CCDC102B: variants seen among roughly 807,000 people sequenced by gnomAD.
CCDC102B encodes the protein coiled-coil domain-containing protein 102B.
In CCDC102B, 75 loss-of-function variants were observed where a neutral mutation model predicts 57.4. That is an observed-to-expected ratio of 1.31 (90% CI 1.08 to 1.58). The LOEUF is 1.58. Among genes scored for constraint, CCDC102B ranks in the 40% most tolerant of loss-of-function variants. The probability of loss-of-function intolerance (pLI) is 0.00; values close to 1 mark genes in which losing one functional copy is unlikely to be tolerated. For missense variants in CCDC102B, 636 were observed against 582.6 expected (o/e 1.09, Z -0.94); for synonymous variants, 206 against 201.9 (o/e 1.02, Z -0.17).
intron 2 of CCDC102B, among the ~76,000 whole-genome samples, chr18:68,783,830 AC>A (rs1476544793): frequency 2.0e-5 from 3 of 152,170 alleles, no homozygotes; most frequent in Non-Finnish European, 4.4e-5. Context: ...AGGAGAGGAA[AC>A]ATACTATACG....
At chr18:68,814,321 G>C (rs1322074259) in intron 1 of CCDC102B, among the ~76,000 whole-genome samples, 1 of 151,966 alleles carries the variant, frequency 6.6e-6, no homozygotes, top group Non-Finnish European at 1.5e-5. Context: ...TTTGAGCACT[G>C]TTAGCCAGAA....
chr18:69,036,851 A>G (rs2052306002), intron 7 of CCDC102B, among the ~76,000 whole-genome samples: 1 of 152,086 alleles, frequency 6.6e-6, no homozygotes, highest in African/African-American at 2.4e-5. Context: ...GATAAACTGA[A>G]TCATTCAGAT....
At chr18:69,056,151 C>T (rs2052811380), downstream of CCDC102B, among the ~76,000 whole-genome samples, 1 of 152,174 alleles carries the variant, frequency 6.6e-6, no homozygotes, top group East Asian at 1.9e-4. Flanking sequence ...TATGAAAGAA[C>T]ATACTGGAAG....
chr18:68,836,855 C>A lies in CCDC102B; in HGVS notation c.92C>A (p.Ala31Glu). 8 of 1,613,996 alleles carry A rather than the reference C, an allele frequency of 5.0e-6. No homozygotes were observed. Among genetic ancestry groups the A allele is most frequent in the Non-Finnish European group, 6.8e-6 (8 of 1,179,978 alleles). ...SSIKSRGDMVAPASPPRDTCN... is the reference protein window; with the variant it reads ...SSIKSRGDMVEPASPPRDTCN... The stretch of plus-strand genomic sequence containing the variant: ...ATTAAGTCACGCGGCGACATGGTGG[C>A]ACCTGCCTCACCCCCCAGGGATACC... The change falls in exon 2 of 8, where the codon GCA becomes GAA. Residue 31 changes from alanine to glutamate, a missense_variant. Coordinates refer to ENST00000360242, the MANE Select transcript of CCDC102B (RefSeq NM_024781.3).
intron 6 of CCDC102B, among the ~76,000 whole-genome samples, chr18:68,943,642 T>C (rs2049450115): frequency 6.6e-6 from 1 of 152,122 alleles, no homozygotes; most frequent in African/African-American, 2.4e-5. Flanking sequence ...GAATGAGTAC[T>C]TCACAGAGAT....
intron 6 of CCDC102B, among the ~76,000 whole-genome samples, chr18:68,956,444 TATATA>T (rs2049873855): frequency 6.7e-5 from 2 of 29,738 alleles, no homozygotes; most frequent in Admixed American, 7.1e-4. Context: ...TTATATATAT[TATATA>T]TATTATATAT....
chr18:68,885,113 A>G (rs949392057), intron 5 of CCDC102B, among the ~76,000 whole-genome samples: 1 of 152,064 alleles, frequency 6.6e-6, no homozygotes. Context: ...AAAATGTTAC[A>G]TAAAATGTAA....
intron 6 of CCDC102B, among the ~76,000 whole-genome samples, chr18:68,913,430 T>C (rs1439151488): frequency 6.6e-6 from 1 of 151,154 alleles, no homozygotes. Context: ...GCAGATCACC[T>C]GAGGTCAAGA....
chr18:69,006,778 C>T (rs912348150), intron 6 of CCDC102B, among the ~76,000 whole-genome samples: 1 of 151,924 alleles, frequency 6.6e-6, no homozygotes, highest in Non-Finnish European at 1.5e-5. Flanking sequence ...CATTTCTTCC[C>T]CTGAAAGTAA....
intron 6 of CCDC102B, among the ~76,000 whole-genome samples, chr18:68,967,177 CTT>C (rs1268168029): frequency 6.6e-6 from 1 of 152,108 alleles, no homozygotes; most frequent in Non-Finnish European, 1.5e-5. Context: ...GAACACCCCT[CTT>C]CCCCTCCTGG....
chr18:68,928,478 CTG>C (rs1347140150), intron 6 of CCDC102B, among the ~76,000 whole-genome samples: 2 of 151,776 alleles, frequency 1.3e-5, no homozygotes, highest in Admixed American at 1.3e-4. Context: ...TTGAAAAACA[CTG>C]AGTGCAGGAG....
At chr18:68,839,037 TTAAG>T (rs1285659042) in intron 3 of CCDC102B, 111 bp downstream of exon 3, 1 of 916,546 alleles carries the variant, frequency 1.1e-6, no homozygotes, top group African/African-American at 1.7e-5. Flanking sequence ...TGTTTAGTCA[TTAAG>T]TTTTAGGATT....
At chr18:68,852,760 G>C (rs2038189765) in intron 4 of CCDC102B, among the ~76,000 whole-genome samples, 1 of 152,044 alleles carries the variant, frequency 6.6e-6, no homozygotes, top group Non-Finnish European at 1.5e-5. Flanking sequence ...AAGATATTGT[G>C]CTTATAACAA....
At chr18:68,753,339 G>C (rs1183013830) in intron 2 of CCDC102B, 2 of 152,090 alleles carry the variant, frequency 1.3e-5, no homozygotes, top group Non-Finnish European at 1.5e-5. Context: ...AGCTGAAAGA[G>C]AGCCTGGATC....
At chr18:68,980,848 C>T (rs376340660) in intron 6 of CCDC102B, among the ~76,000 whole-genome samples, 56 of 151,852 alleles carry the variant, frequency 3.7e-4, no homozygotes, top group African/African-American at 1.3e-3. Flanking sequence ...TGTAGGACAT[C>T]GTATGGACAC....
In CCDC102B at chr18:68,967,147, G is replaced by A. The variant is rs370822021; in HGVS notation, c.1264-43787G>A. Among the ~76,000 whole-genome samples the A allele has an allele frequency of 7.7e-3, 1,105 of 143,278 alleles. 13 individuals carry two copies. The highest frequency in any genetic ancestry group is 0.027 in the African/African-American group (1,018 of 38,292). 94.0% of individuals were successfully genotyped at this position (143,278 alleles called of 152,430 possible). A position where few individuals can be genotyped will look rare whatever the true frequency, so the allele number is the denominator to read the frequency against. ...TTCTGAACAATAGTGAAAGCTAGTC[G>A]TGCCTCTTTTCGGTGTGTAGAACAC... On this transcript the variant is annotated intron_variant, in intron 6 of 7. Transcript: ENST00000360242.
At chr18:69,038,735 T>C (rs577671026) in intron 7 of CCDC102B, among the ~76,000 whole-genome samples, 1 of 151,986 alleles carries the variant, frequency 6.6e-6, no homozygotes, top group East Asian at 1.9e-4. Context: ...TTACATATTC[T>C]ATATATTTAT....
intron 2 of CCDC102B, among the ~76,000 whole-genome samples, chr18:68,725,881 G>A (rs2032571357): frequency 1.3e-5 from 2 of 152,224 alleles, no homozygotes. Context: ...GAAGAAGGGT[G>A]ATGTGAAGGA....
At chr18:68,908,441 G>C (rs1379067174) in intron 6 of CCDC102B, 1 of 152,064 alleles carries the variant, frequency 6.6e-6, no homozygotes, top group Non-Finnish European at 1.5e-5. Flanking sequence ...TTTTTTCAAT[G>C]ATTCTGTGGC....
Sources: allele counts gnomAD v4.1 joint callset (sites outside exome capture counted in the v4.1 genomes callset), GRCh38; gene constraint gnomAD v4.1.1; transcripts MANE v1.5; gene names NCBI Gene and HGNC (gene_info 2026-07-23, HGNC 2026-07-21).